The following TTC14 variants were observed in gnomAD, a reference collection of about 807,000 sequenced individuals.
TTC14 encodes the protein tetratricopeptide repeat domain 14.
A neutral mutation model predicts 79.9 loss-of-function variants in TTC14; 63 were observed. The ratio of observed to expected loss-of-function variants is 0.79; its 90% CI spans 0.64 to 0.97. TTC14 has a LOEUF of 0.97. TTC14 is among the 50% of genes least tolerant of loss of function. TTC14 has a pLI of 0.00. For missense variants in TTC14, 895 were observed against 894.0 expected (o/e 1.00, Z -0.01); for synonymous variants, 335 against 309.6 (o/e 1.08, Z -0.86).
rs775818263 is a variant in TTC14 at position 180,610,018 on chromosome 3, C to A, written c.1789C>A (p.Pro597Thr). 35 of 1,613,964 alleles carry A rather than the reference C, an allele frequency of 2.2e-5. No homozygotes were observed. The highest frequency in any genetic ancestry group is 2.8e-5 in the Non-Finnish European group (33 of 1,179,936). The change falls in exon 12 of 12, where the codon CCA (proline) becomes ACA (threonine). Residue 597 changes from proline to threonine, a missense_variant. Coordinates refer to ENST00000296015, the MANE Select transcript of TTC14 (RefSeq NM_133462.4). ...TGATTTTGGAGGTAGGTCTGAAGAT[C>A]CAAGAGATTTTTATAACAGCTATAA... ...PDDFGGRSED[P>T]RDFYNSYKTQ...
Position 180,602,421 on chromosome 3 carries a change from A to C in TTC14, c.160A>C (p.Arg54=). The C allele has an allele frequency of 6.2e-7, 1 of 1,600,756 alleles. No homozygotes were observed. The highest frequency in any genetic ancestry group is 8.5e-7 in the Non-Finnish European group (1 of 1,177,542). Reference sequence around the variant, plus strand: ...GCCGCCCCAGCACCCGTTGCAGGGCAGGTAATGAGACGTTGGTGCCACTGC... The same window carrying C: ...GCCGCCCCAGCACCCGTTGCAGGGCCGGTAATGAGACGTTGGTGCCACTGC... ...GPPPQHPLQG[R]KEKRVDNIEI... is the part of the protein sequence containing the mutation. The change falls in exon 1 of 12, where the codon AGA becomes CGA. Residue 54 remains arginine (R), a splice_region_variant and synonymous_variant. Transcript: ENST00000296015.
intron 10 of TTC14, 79 bp downstream of exon 10, chr3:180,607,844 T>C: frequency 6.3e-7 from 1 of 1,575,220 alleles, no homozygotes; most frequent in South Asian, 1.2e-5. Context: ...AGGAAAACTA[T>C]TCTACATTAC....
chr3:180,611,107 T>C lies in TTC14; in HGVS notation c.*565T>C, dbSNP rs1279179726. On this transcript the variant is annotated 3_prime_UTR_variant, in exon 12 of 12. Transcript: ENST00000296015. ...AATTTTCCTCTAAAGCCCAATTTGA[T>C]TAAAAGTGGTTTGTGAACAGTCATT... 1 of 984,822 alleles carries C rather than the reference T, an allele frequency of 1.0e-6. No homozygotes were observed. The highest frequency in any genetic ancestry group is 1.2e-6 in the Non-Finnish European group (1 of 829,522). The allele number at this position is 984,822 out of a possible 1,614,324, so 61.0% of individuals were successfully genotyped here.
chr3:180,607,274 T>C (rs1319315490), intron 9 of TTC14, among the ~76,000 whole-genome samples: 2 of 152,174 alleles, frequency 1.3e-5, no homozygotes, highest in African/African-American at 2.4e-5. Context: ...ATGTTGGTAT[T>C]TCCAAAGATT....
chr3:180,606,526 G>A lies in TTC14; in HGVS notation c.1095G>A (p.Glu365=). The A allele has an allele frequency of 6.2e-7, 1 of 1,613,990 alleles. No individual in the cohort carries two copies. ...GSLNKAIEDF[E]LALENCPTHR... is the part of the protein sequence containing the mutation. ...TGAACAAAGCAATAGAAGATTTTGA[G>A]CTTGCATTAGAAAACTGTCCAACTC... is the stretch of plus-strand genomic sequence containing the variant. Residue 365 remains glutamate, a synonymous_variant, in exon 9 of 12, where the codon GAG becomes GAA. Transcript: ENST00000296015.
In TTC14 at chr3:180,602,906, TGAC is replaced by T; in HGVS notation, c.178_180del (p.Asp60del). ...TCTTTTTAAGAAAAGAGAAGAGAGT[TGAC>T]AACATCGAGATACAGAAATTCATCT... On this transcript the variant is annotated inframe_deletion, in exon 2 of 12. Coordinates refer to ENST00000296015, the MANE Select transcript of TTC14 (RefSeq NM_133462.4). 1 of 1,611,396 alleles carries T rather than the reference TGAC, an allele frequency of 6.2e-7. No homozygotes were observed. The highest frequency in any genetic ancestry group is 8.5e-7 in the Non-Finnish European group (1 of 1,179,364).
chr3:180,609,485 A>T, intron 11 of TTC14, 145 bp from the exon 12 acceptor site: 1 of 1,332,870 alleles, frequency 7.5e-7, no homozygotes, highest in African/African-American at 1.5e-5. Context: ...GTAAAATTAG[A>T]TCTTGTAGTA....
intron 12 of TTC14, chr3:180,616,423 T>C (rs1465177184): frequency 6.6e-7 from 1 of 1,520,232 alleles, no homozygotes. Flanking sequence ...AAGATAAATA[T>C]TTTTAATTAG....
rs766822332 is a variant in TTC14 at position 180,605,814 on chromosome 3, A to G, written c.906A>G (p.Gln302=). 18 of 1,572,840 alleles carry G rather than the reference A, an allele frequency of 1.1e-5. No individual in the cohort carries two copies. The highest frequency in any genetic ancestry group is 2.3e-5 in the East Asian group (1 of 43,188). Residue 302 remains glutamine (Q), a synonymous_variant, in exon 7 of 12, where the codon CAA becomes CAG. Transcript: ENST00000296015. ...TTGCTTCTGCATTGAGAAAAAAACA[A>G]TCCGCATCTTGGGCTTTAAAATGGT... ...DDFASALRKK[Q]SASWALKCVK... is the part of the protein sequence containing the mutation.
chr3:180,616,099 T>C (rs77479411), downstream of TTC14, among the ~76,000 whole-genome samples: 1,231 of 152,344 alleles, frequency 8.1e-3, 18 homozygotes, highest in African/African-American at 0.028. Context: ...AAATTCTTGT[T>C]CTGCTGGCTG....
downstream of TTC14, among the ~76,000 whole-genome samples, chr3:180,615,662 A>G (rs1205281746): frequency 3.3e-5 from 5 of 152,182 alleles, no homozygotes; most frequent in Non-Finnish European, 7.3e-5. Flanking sequence ...ACTAAGGAAT[A>G]GTAATTTAAT....
intron 4 of TTC14, 67 bp from the exon 5 acceptor site, chr3:180,604,409 GTT>G (rs1716558087): frequency 2.6e-6 from 4 of 1,544,950 alleles, no homozygotes; most frequent in South Asian, 2.4e-5. Flanking sequence ...GTTTGGGAAA[GTT>G]TATATTTTTT....
Position 180,603,107 on chromosome 3 carries a change from T to C in TTC14, c.287-17T>C. 6.2e-7 allele frequency: 1 copy of C among 1,610,432 alleles called. No homozygotes were observed. Among genetic ancestry groups the C allele is most frequent in the Non-Finnish European group, 8.5e-7 (1 of 1,178,924 alleles). ...TCAAAACTATCGTTAGTGATTTTGTTAATTTTTTTTTTTTAGATCATTATG... is the reference window on the plus strand; with the variant it reads ...TCAAAACTATCGTTAGTGATTTTGTCAATTTTTTTTTTTTAGATCATTATG... On this transcript the variant is annotated splice_polypyrimidine_tract_variant and intron_variant, in intron 2 of 11. Coordinates refer to ENST00000296015, the MANE Select transcript of TTC14 (RefSeq NM_133462.4).
downstream of TTC14, chr3:180,614,772 A>G (rs1717164211): frequency 1.6e-6 from 1 of 628,922 alleles, no homozygotes; most frequent in Non-Finnish European, 2.6e-6. Flanking sequence ...AGAAAATGAG[A>G]ACGTTCCTTT....
Position 180,602,997 on chromosome 3 carries a change from A to T in TTC14, c.268A>T (p.Ile90Phe). Reference protein sequence around the residue: ...WKSDAPATSEINEDSEDHYAI... With the variant: ...WKSDAPATSEFNEDSEDHYAI... ...ATCAGATGCACCTGCAACTTCTGAA[A>T]TTAATGAAGACAGTGAAGGTCAGTT... The change falls in exon 2 of 12, where the codon ATT becomes TTT. Residue 90 changes from isoleucine (I) to phenylalanine (F), a missense_variant. Coordinates refer to ENST00000296015, the MANE Select transcript of TTC14 (RefSeq NM_133462.4). 1.2e-6 allele frequency: 2 copies of T among 1,613,738 alleles called. No individual in the cohort carries two copies. The highest frequency in any genetic ancestry group is 1.7e-6 in the Non-Finnish European group (2 of 1,179,940).
Position 180,602,759 on chromosome 3 carries a change from T to A in TTC14, c.162-132T>A, listed in dbSNP as rs937815817. The stretch of plus-strand genomic sequence containing the variant: ...TAATGAGGGAATGCCTAGTTAAAAC[T>A]TTTTGTCTGAGGTTGTATTGTCTGC... On this transcript the variant is annotated intron_variant, in intron 1 of 11. Coordinates refer to ENST00000296015, the MANE Select transcript of TTC14 (RefSeq NM_133462.4). 8 of 1,148,786 alleles carry A rather than the reference T, an allele frequency of 7.0e-6. No individual in the cohort carries two copies. In the African/African-American group the frequency reaches 1.3e-4, roughly 18 times the overall value. 71.2% of individuals were successfully genotyped at this position (1,148,786 alleles called of 1,614,324 possible). A position where few individuals can be genotyped will look rare whatever the true frequency, so the allele number is the denominator to read the frequency against.
chr3:180,610,108 A>G lies in TTC14; in HGVS notation c.1879A>G (p.Arg627Gly). Residue 627 changes from arginine to glycine, a missense_variant, in exon 12 of 12, where the codon AGA (arginine) becomes GGA (glycine). Physicochemically the swap from Arg to Gly is moderately radical, Grantham distance 125. Transcript: ENST00000296015. ...YKSERHFSSRRNSSDSFCRNS... is the reference protein window; with the variant it reads ...YKSERHFSSRGNSSDSFCRNS... ...ATCAGAAAGACATTTTTCCAGTAGAAGAAATTCCTCAGATTCCTTCTGTAG... is the reference window on the plus strand; with the variant it reads ...ATCAGAAAGACATTTTTCCAGTAGAGGAAATTCCTCAGATTCCTTCTGTAG... 2 of 1,613,246 alleles carry G rather than the reference A, an allele frequency of 1.2e-6. No individual in the cohort carries two copies. The highest frequency in any genetic ancestry group is 8.5e-7 in the Non-Finnish European group (1 of 1,179,790).
At chr3:180,616,287 G>C (rs1335035628) in intron 12 of TTC14, 2 of 1,612,980 alleles carry the variant, frequency 1.2e-6, no homozygotes, top group African/African-American at 2.7e-5. Context: ...TTACCTTGCT[G>C]ATAGTGAAGT....
intron 12 of TTC14, chr3:180,617,081 T>G: frequency 1.6e-6 from 1 of 627,892 alleles, no homozygotes; most frequent in Non-Finnish European, 2.6e-6. Context: ...ATAATATACA[T>G]TATTTCTGTT....
Sources: allele counts gnomAD v4.1 joint callset (sites outside exome capture counted in the v4.1 genomes callset), GRCh38; gene constraint gnomAD v4.1.1; transcripts MANE v1.5; gene names NCBI Gene and HGNC (gene_info 2026-07-23, HGNC 2026-07-21).